Variants in MAML3 observed in about 807,000 individuals in gnomAD.
The protein encoded by MAML3 is mastermind-like protein 3.
A neutral mutation model predicts 101.9 loss-of-function variants in MAML3; 27 were observed. That is an observed-to-expected ratio of 0.27 (90% confidence interval 0.20 to 0.37). MAML3 has a LOEUF of 0.37. Among genes scored for constraint, MAML3 ranks in the 10% least tolerant of loss-of-function variants. MAML3 has a pLI of 1.00. For synonymous variants in MAML3, 501 were observed against 555.9 expected (o/e 0.90, Z 1.39); for missense variants, 1,316 against 1,444.9 (o/e 0.91, Z 1.45).
intron 1 of MAML3, among the ~76,000 whole-genome samples, chr4:139,898,374 G>A (rs563962320): frequency 5.3e-5 from 8 of 152,344 alleles, no homozygotes; most frequent in East Asian, 1.9e-4. Context: ...AACATACGAA[G>A]TGATTTGTGG....
intron 2 of MAML3, among the ~76,000 whole-genome samples, chr4:139,869,838 A>G (rs1731967821): frequency 6.6e-6 from 1 of 152,236 alleles, no homozygotes; most frequent in Non-Finnish European, 1.5e-5. Context: ...ACAGTAGAAA[A>G]AAATATGAGA....
rs187172852 is a variant in MAML3 at position 139,818,263 on chromosome 4, T to C, written c.2079+71094A>G. 2.0e-4 allele frequency among the ~76,000 whole-genome samples: 31 copies of C among 152,364 alleles called. 1 individual carries two copies. In the East Asian group the frequency reaches 5.2e-3, roughly 26 times the overall value. On this transcript the variant is annotated intron_variant, in intron 2 of 4. Transcript: ENST00000509479. The stretch of plus-strand genomic sequence containing the variant: ...TAGCTTAGACATGCTCATGGCTGTC[T>C]ACACATTTCCTTCACAGCACCTGTC...
rs143488737 is a variant in MAML3, at chr4:140,113,113, C to G, written c.468+39747G>C. Reference sequence around the variant, plus strand: ...TTAACATCGTGAAACCCCATCTCTACTAAAAAATAGAAAAAATCAGCTGGG... The same window carrying G: ...TTAACATCGTGAAACCCCATCTCTAGTAAAAAATAGAAAAAATCAGCTGGG... On this transcript the variant is annotated intron_variant, in intron 1 of 4. Transcript: ENST00000509479. Among the ~76,000 whole-genome samples, 152 of 152,046 alleles carry G rather than the reference C, an allele frequency of 1.0e-3. 1 individual carries two copies. Among genetic ancestry groups the G allele is most frequent in the African/African-American group, 3.0e-3 (123 of 41,488 alleles).
At chr4:140,134,794 GA>G (rs1185704151) in intron 1 of MAML3, among the ~76,000 whole-genome samples, 1 of 152,110 alleles carries the variant, frequency 6.6e-6, no homozygotes, top group Non-Finnish European at 1.5e-5. Flanking sequence ...GGTGCTCTTC[GA>G]TCAGAGTGTG....
At chr4:139,850,885 G>A (rs931150402) in intron 2 of MAML3, among the ~76,000 whole-genome samples, 2 of 150,560 alleles carry the variant, frequency 1.3e-5, no homozygotes, top group East Asian at 3.9e-4. Context: ...AAGACAGAAA[G>A]AGGATTATTT....
chr4:139,961,331 T>C (rs1314166186), intron 1 of MAML3, among the ~76,000 whole-genome samples: 1 of 152,242 alleles, frequency 6.6e-6, no homozygotes, highest in African/African-American at 2.4e-5. Context: ...GAACAAATTA[T>C]TCCTACTTTT....
intron 1 of MAML3, among the ~76,000 whole-genome samples, chr4:140,147,686 G>C (rs1002398607): frequency 3.3e-5 from 5 of 152,212 alleles, no homozygotes; most frequent in Admixed American, 2.0e-4. Context: ...TCTGATGTCT[G>C]TTTGATTGAT....
intron 1 of MAML3, among the ~76,000 whole-genome samples, chr4:140,089,504 G>A (rs1728009596): frequency 6.6e-6 from 1 of 152,170 alleles, no homozygotes; most frequent in Admixed American, 6.5e-5. Context: ...TGGGAAATGA[G>A]AATGTTTGGC....
At chr4:140,101,138 T>C (rs1013184906) in intron 1 of MAML3, among the ~76,000 whole-genome samples, 3 of 152,114 alleles carry the variant, frequency 2.0e-5, no homozygotes, top group Non-Finnish European at 4.4e-5. Context: ...CTACATGGAA[T>C]AGAAGAATCA....
intron 1 of MAML3, among the ~76,000 whole-genome samples, chr4:139,902,340 C>A (rs1732743636): frequency 6.6e-6 from 1 of 152,206 alleles, no homozygotes; most frequent in Non-Finnish European, 1.5e-5. Flanking sequence ...TAGACAGCAT[C>A]TGACTCCCAG....
At chr4:139,941,152 C>CTT (rs1167977546) in intron 1 of MAML3, among the ~76,000 whole-genome samples, 1 of 152,098 alleles carries the variant, frequency 6.6e-6, no homozygotes, top group African/African-American at 2.4e-5. Context: ...CTTGTTTTCT[C>CTT]TTTTTAGATT....
chr4:140,082,108 C>T (rs765785072), intron 1 of MAML3, among the ~76,000 whole-genome samples: 25 of 152,156 alleles, frequency 1.6e-4, no homozygotes, highest in Admixed American at 4.6e-4. Context: ...ATAAGATCTG[C>T]GGAGTGAATG....
chr4:140,096,556 C>T (rs947781459), intron 1 of MAML3, among the ~76,000 whole-genome samples: 4 of 152,046 alleles, frequency 2.6e-5, no homozygotes, highest in Non-Finnish European at 4.4e-5. Context: ...ATAATCTATG[C>T]GATCTCATTC....
intron 1 of MAML3, among the ~76,000 whole-genome samples, chr4:140,114,908 T>C (rs1728492237): frequency 6.6e-6 from 1 of 152,206 alleles, no homozygotes; most frequent in Non-Finnish European, 1.5e-5. Flanking sequence ...AAATATTGAA[T>C]GAGTGTTAAA....
intron 2 of MAML3, among the ~76,000 whole-genome samples, chr4:139,802,029 C>T (rs1005542676): frequency 6.6e-6 from 1 of 152,076 alleles, no homozygotes; most frequent in Non-Finnish European, 1.5e-5. Context: ...TTTCTCAATA[C>T]CAAGGGTTCT....
chr4:140,005,307 T>G (rs1477453546), intron 1 of MAML3, among the ~76,000 whole-genome samples: 2 of 152,194 alleles, frequency 1.3e-5, no homozygotes, highest in Admixed American at 6.5e-5. Context: ...CATAAAATAT[T>G]CCTTAACCTG....
At chr4:140,144,775 C>T (rs894708144) in intron 1 of MAML3, among the ~76,000 whole-genome samples, 4 of 152,230 alleles carry the variant, frequency 2.6e-5, no homozygotes, top group Admixed American at 2.0e-4. Context: ...TCCCAAAGCA[C>T]CAGGATATAG....
chr4:140,124,288 A>G (rs1314292338), intron 1 of MAML3, among the ~76,000 whole-genome samples: 1 of 152,204 alleles, frequency 6.6e-6, no homozygotes, highest in South Asian at 2.1e-4. Context: ...GCTGAAAATG[A>G]TGGCTACTCT....
At chr4:139,920,349 C>T (rs553765594) in intron 1 of MAML3, among the ~76,000 whole-genome samples, 32 of 152,304 alleles carry the variant, frequency 2.1e-4, no homozygotes, top group African/African-American at 7.0e-4. Flanking sequence ...TCTTCATTTG[C>T]TTACTGAGCC....
Sources: gnomAD v4.1 joint callset for allele counts (sites outside exome capture counted in the v4.1 genomes callset) on GRCh38, gnomAD v4.1.1 for gene constraint, MANE v1.5 for transcripts, NCBI Gene and HGNC (gene_info 2026-07-23, HGNC 2026-07-21) for gene names.